Variants in PRDM16 observed in about 807,000 individuals in gnomAD.
PRDM16 encodes the protein histone-lysine N-methyltransferase PRDM16.
A neutral mutation model predicts 110.6 loss-of-function variants in PRDM16; 23 were observed. That is an observed-to-expected ratio of 0.21 (90% confidence interval 0.15 to 0.29). PRDM16 has a LOEUF of 0.29. PRDM16 is among the 10% of genes least tolerant of loss of function. PRDM16 has a pLI of 1.00. For missense variants in PRDM16, 1,615 were observed against 1,794.3 expected (o/e 0.90, Z 1.81); for synonymous variants, 799 against 781.8 (o/e 1.02, Z -0.37).
intron 3 of PRDM16, among the ~76,000 whole-genome samples, chr1:3,363,923 C>T (rs532567569): frequency 3.3e-5 from 5 of 152,296 alleles, no homozygotes; most frequent in South Asian, 2.1e-4. Context: ...TGAGCCAGCC[C>T]GCTACGCACA....
rs771456448 is a variant in PRDM16 at position 3,412,752 on chromosome 1, C to A, written c.2555C>A (p.Pro852Gln). The change falls in exon 9 of 17, where the codon CCG (proline) becomes CAG (glutamine). Residue 852 changes from proline (P) to glutamine (Q), a missense_variant. Pro to Gln is a moderately conservative substitution (Grantham distance 76). Coordinates refer to ENST00000270722, the MANE Select transcript of PRDM16 (RefSeq NM_022114.4). Reference protein sequence around the residue: ...VCPARMPQQPPLHYAKPSPFF... With the variant: ...VCPARMPQQPQLHYAKPSPFF... ...CCGGCGCGGATGCCCCAGCAGCCCC[C>A]GCTCCACTACGCCAAGCCCTCGCCC... The A allele has an allele frequency of 6.0e-6, 9 of 1,502,102 alleles. No individual in the cohort carries two copies. In the South Asian group the frequency reaches 1.2e-4, roughly 20 times the overall value. 93.0% of individuals were successfully genotyped at this position (1,502,102 alleles called of 1,614,324 possible).
intron 2 of PRDM16, among the ~76,000 whole-genome samples, chr1:3,239,947 G>C (rs187410169): frequency 7.3e-4 from 110 of 151,168 alleles, no homozygotes; most frequent in Middle Eastern, 3.4e-3. Context: ...GGCGGGGAGA[G>C]AGAGAGAGAA....
chr1:3,184,732 C>T (rs555994179), intron 1 of PRDM16, among the ~76,000 whole-genome samples: 1 of 152,318 alleles, frequency 6.6e-6, no homozygotes, highest in African/African-American at 2.4e-5. Flanking sequence ...ACCCCAGTCC[C>T]CGAGATCTCC....
At chr1:3,356,228 G>A (rs966169516) in intron 3 of PRDM16, among the ~76,000 whole-genome samples, 5 of 152,174 alleles carry the variant, frequency 3.3e-5, no homozygotes, top group Non-Finnish European at 7.3e-5. Context: ...TGAGCAGGCC[G>A]ACGTGTCTGG....
intron 3 of PRDM16, among the ~76,000 whole-genome samples, chr1:3,380,157 C>T (rs976164691): frequency 4.0e-5 from 6 of 151,032 alleles, no homozygotes; most frequent in Admixed American, 6.6e-5. Flanking sequence ...CATGCCCTTC[C>T]GGCACACCCT....
At chr1:3,328,963 G>T (rs545504282) in intron 3 of PRDM16, among the ~76,000 whole-genome samples, 1 of 152,158 alleles carries the variant, frequency 6.6e-6, no homozygotes, top group Non-Finnish European at 1.5e-5. Flanking sequence ...CTGGCGGGTA[G>T]GGAACTCCCC....
At chr1:3,123,976 C>T (rs568219656) in intron 1 of PRDM16, among the ~76,000 whole-genome samples, 4 of 152,336 alleles carry the variant, frequency 2.6e-5, no homozygotes, top group South Asian at 2.1e-4. Context: ...GCGCACCCCA[C>T]GCCGTATGGT....
intron 3 of PRDM16, among the ~76,000 whole-genome samples, chr1:3,368,235 C>T (rs530065149): frequency 1.3e-5 from 2 of 152,368 alleles, no homozygotes; most frequent in South Asian, 4.1e-4. Context: ...GCAGTCCCGA[C>T]AGATGCTTCC....
intron 3 of PRDM16, among the ~76,000 whole-genome samples, chr1:3,329,381 G>A (rs1269784003): frequency 1.4e-5 from 2 of 138,278 alleles, no homozygotes; most frequent in Admixed American, 1.4e-4. Flanking sequence ...ACCCCTTCCC[G>A]ACTGTGTCTC....
rs929689839 is a variant in PRDM16, at chr1:3,434,890, C to T, written c.*1079C>T. 17 of 231,536 alleles carry T rather than the reference C, an allele frequency of 7.3e-5. No homozygotes were observed. The highest frequency in any genetic ancestry group is 1.8e-4 in the South Asian group (1 of 5,514). The allele number at this position is 231,536 out of a possible 1,614,324, so 14.3% of individuals were successfully genotyped here. A position where few individuals can be genotyped will look rare whatever the true frequency, so the allele number is the denominator to read the frequency against. ...TCTCCCACCTCCCACCTGACCCCAG[C>T]GGCTCCGGTGTCCTCCACGTGGCTG... On this transcript the variant is annotated 3_prime_UTR_variant, in exon 17 of 17. Coordinates refer to ENST00000270722, the MANE Select transcript of PRDM16 (RefSeq NM_022114.4).
At chr1:3,082,668 C>T (rs1247563767) in intron 1 of PRDM16, among the ~76,000 whole-genome samples, 2 of 152,256 alleles carry the variant, frequency 1.3e-5, no homozygotes, top group Non-Finnish European at 1.5e-5. Flanking sequence ...CCCCCTCCCC[C>T]AGGATCTGGA....
intron 2 of PRDM16, among the ~76,000 whole-genome samples, chr1:3,203,275 G>A (rs1245472900): frequency 6.6e-6 from 1 of 152,186 alleles, no homozygotes; most frequent in Non-Finnish European, 1.5e-5. Context: ...GGTGGATTTA[G>A]TGAATGATGA....
At position 3,244,411 on chromosome 1, in the gene PRDM16, C is replaced by A. The variant is rs867527307; in HGVS notation, c.438+274C>A. Among the ~76,000 whole-genome samples, 1 of 151,990 alleles carries A rather than the reference C, an allele frequency of 6.6e-6. No homozygotes were observed. The highest frequency in any genetic ancestry group is 2.4e-5 in the African/African-American group (1 of 41,388). On this transcript the variant is annotated intron_variant, in intron 3 of 16. Coordinates refer to ENST00000270722, the MANE Select transcript of PRDM16 (RefSeq NM_022114.4). The surrounding 1 kb of genome is among the most constrained non-coding windows in gnomAD (Gnocchi z 4.1). ...CTAACTCCCGAGAGTGGAGGAGAGC[C>A]CTGTACCTGTGGGAAAGCTTCAGGC...
At chr1:3,291,707 G>A (rs543296439) in intron 3 of PRDM16, among the ~76,000 whole-genome samples, 34 of 152,372 alleles carry the variant, frequency 2.2e-4, no homozygotes, top group Admixed American at 9.8e-4. Context: ...TTGGCAGTGC[G>A]GGGGAGCTTG....
chr1:3,328,829 C>T (rs1022623621), intron 3 of PRDM16, among the ~76,000 whole-genome samples: 26 of 152,160 alleles, frequency 1.7e-4, no homozygotes, highest in African/African-American at 6.3e-4. Context: ...CCCTCTGCGC[C>T]TCCATTTCCT....
intron 1 of PRDM16, chr1:3,133,823 G>A (rs1643382507): frequency 1.3e-5 from 2 of 152,178 alleles, no homozygotes; most frequent in African/African-American, 2.4e-5. Context: ...CTTTCGCCGC[G>A]GGAATTTGTG....
intron 3 of PRDM16, among the ~76,000 whole-genome samples, chr1:3,256,529 C>T (rs1640049424): frequency 6.6e-6 from 1 of 152,190 alleles, no homozygotes; most frequent in African/African-American, 2.4e-5. Context: ...ATGTACTGTC[C>T]ACCTGTTTTC....
rs1643698269 is a variant in PRDM16 at position 3,412,052 on chromosome 1, A to T, written c.1855A>T (p.Thr619Ser). Residue 619 changes from threonine to serine, a missense_variant, in exon 9 of 17, where the codon ACG (threonine) becomes TCG (serine). Physicochemically the swap from Thr to Ser is moderately conservative, Grantham distance 58. Coordinates refer to ENST00000270722, the MANE Select transcript of PRDM16 (RefSeq NM_022114.4). ...CACGGGGACCGACCTGGACACGACCACGGGGACGGGCTCGGACCTGGACAG... is the reference window on the plus strand; with the variant it reads ...CACGGGGACCGACCTGGACACGACCTCGGGGACGGGCTCGGACCTGGACAG... ...TTTGTDLDTT[T>S]GTGSDLDSDV... The T allele has an allele frequency of 1.2e-6, 2 of 1,610,650 alleles. No individual in the cohort carries two copies. The highest frequency in any genetic ancestry group is 1.7e-6 in the Non-Finnish European group (2 of 1,177,972).
intron 1 of PRDM16, among the ~76,000 whole-genome samples, chr1:3,100,561 G>A (rs903697983): frequency 1.2e-4 from 19 of 152,260 alleles, no homozygotes; most frequent in African/African-American, 4.3e-4. Context: ...CATCCCACAG[G>A]CCTGGAGAAG....
Sources: gnomAD v4.1 joint callset for allele counts (sites outside exome capture counted in the v4.1 genomes callset) on GRCh38, gnomAD v4.1.1 for gene constraint, Gnocchi (gnomAD v3.1) non-coding constraint, MANE v1.5 for transcripts, NCBI Gene and HGNC (gene_info 2026-07-23, HGNC 2026-07-21) for gene names.